The following STAT4 variants were observed in gnomAD, a reference collection of about 807,000 sequenced individuals.
The protein encoded by STAT4 is signal transducer and activator of transcription 4.
In STAT4, 42 loss-of-function variants were observed where a neutral mutation model predicts 110.5. That is an observed-to-expected ratio of 0.38 (90% confidence interval 0.30 to 0.49). The LOEUF (loss-of-function observed/expected upper bound fraction) is 0.49, where lower values mean the gene tolerates loss of function less well. Ranked by LOEUF, STAT4 falls within the 20% of genes least tolerant of loss-of-function variation. The probability of loss-of-function intolerance (pLI) is 0.95; values close to 1 mark genes in which losing one functional copy is unlikely to be tolerated. For synonymous variants in STAT4, 284 were observed against 302.2 expected, an observed-to-expected ratio of 0.94 and a Z score of 0.63; for missense variants, 632 against 887.9, an observed-to-expected ratio of 0.71 and a Z score of 3.66.
intron 5 of STAT4, among the ~76,000 whole-genome samples, chr2:191,071,976 CCT>C (rs1379868466): frequency 6.6e-6 from 1 of 152,134 alleles, no homozygotes; most frequent in Admixed American, 6.5e-5. Context: ...AGATGTCGGG[CCT>C]CTCTCCCCAC....
intron 1 of STAT4, 137 bp from the exon 2 acceptor site, chr2:191,148,341 T>C (rs1253721860): frequency 8.8e-7 from 1 of 1,136,028 alleles, no homozygotes. Context: ...TCACTAAGGT[T>C]TTTTTTCATA....
chr2:191,029,719 C>G lies in STAT4; in HGVS notation c.*121G>C, dbSNP rs951391999. On this transcript the variant is annotated 3_prime_UTR_variant, in exon 24 of 24. Coordinates refer to ENST00000392320, the MANE Select transcript of STAT4 (RefSeq NM_003151.4). This position sits in a 1 kb window ranked among gnomAD's most constrained non-coding sequence, Gnocchi z 4.5. The stretch of plus-strand genomic sequence containing the variant: ...GGAGTGTGAAGAGAGCTTCAGATGT[C>G]AAACATTTCCTAGAACCTGGTATTT... 78 of 937,254 alleles carry G rather than the reference C, an allele frequency of 8.3e-5. 1 individual carries two copies. The highest frequency in any genetic ancestry group is 1.2e-4 in the Non-Finnish European group (70 of 601,320). 58.1% of individuals were successfully genotyped at this position (937,254 alleles called of 1,614,324 possible). A position where few individuals can be genotyped will look rare whatever the true frequency, so the allele number is the denominator to read the frequency against.
At chr2:191,118,066 C>G (rs1423086988) in intron 3 of STAT4, among the ~76,000 whole-genome samples, 1 of 151,768 alleles carries the variant, frequency 6.6e-6, no homozygotes, top group Non-Finnish European at 1.5e-5. Context: ...AAGATTAAAA[C>G]ACTTTATACC....
rs1699424991 is a variant in STAT4, at chr2:191,144,941, C to T, written c.273+1672G>A. 6.6e-6 allele frequency among the ~76,000 whole-genome samples: 1 copy of T among 152,064 alleles called. No individual in the cohort carries two copies. Among genetic ancestry groups the T allele is most frequent in the South Asian group, 2.1e-4 (1 of 4,810 alleles). On this transcript the variant is annotated intron_variant, in intron 3 of 23. Coordinates refer to ENST00000392320, the MANE Select transcript of STAT4 (RefSeq NM_003151.4). This position sits in a 1 kb window ranked among gnomAD's most constrained non-coding sequence, Gnocchi z 4.7. Reference sequence around the variant, plus strand: ...CACATTTGAGAGTCAGATTTTTAACCCAGACCTTCTTGGTTCCAAAGACCA... The same window carrying T: ...CACATTTGAGAGTCAGATTTTTAACTCAGACCTTCTTGGTTCCAAAGACCA...
intron 3 of STAT4, among the ~76,000 whole-genome samples, chr2:191,109,772 C>T (rs1259823109): frequency 6.6e-6 from 1 of 152,040 alleles, no homozygotes; most frequent in Non-Finnish European, 1.5e-5. Context: ...AAAATGAATC[C>T]CACTGTTGGT....
At position 191,059,567 on chromosome 2, in the gene STAT4, C is replaced by A. The variant is rs1348826117; in HGVS notation, c.1035-798G>T. On this transcript the variant is annotated intron_variant, in intron 10 of 23. Coordinates refer to ENST00000392320, the MANE Select transcript of STAT4 (RefSeq NM_003151.4). The surrounding 1 kb of genome is among the most constrained non-coding windows in gnomAD (Gnocchi z 4.7). ...GCTCCTCATATTTATGCAGTACACC[C>A]TTAGGTACTAGAGAACTGATGTAGC... Among the ~76,000 whole-genome samples, 1 of 152,300 alleles carries A rather than the reference C, an allele frequency of 6.6e-6. No homozygotes were observed. Among genetic ancestry groups the A allele is most frequent in the East Asian group, 1.9e-4 (1 of 5,178 alleles).
chr2:191,125,686 G>A (rs1295416584), intron 3 of STAT4, among the ~76,000 whole-genome samples: 1 of 151,860 alleles, frequency 6.6e-6, no homozygotes, highest in African/African-American at 2.4e-5. Context: ...GTCTCACTAT[G>A]TTGCCCAGTC....
chr2:191,136,983 G>C (rs1050402848), intron 3 of STAT4, among the ~76,000 whole-genome samples: 5 of 151,910 alleles, frequency 3.3e-5, no homozygotes, highest in Admixed American at 1.3e-4. Flanking sequence ...TAAAATACTT[G>C]GGAATAAATT....
At position 191,034,614 on chromosome 2, in the gene STAT4, G is replaced by T. The variant is rs997523285; in HGVS notation, c.1571-17C>A. 6.2e-7 allele frequency: 1 copy of T among 1,606,114 alleles called. No individual in the cohort carries two copies. Among genetic ancestry groups the T allele is most frequent in the South Asian group, 1.1e-5 (1 of 90,840 alleles). ...TAGATTGGACTGAAATGAAAGAAAA[G>T]AATGAAATTTTTCACTGGACAATGA... On this transcript the variant is annotated splice_polypyrimidine_tract_variant and intron_variant, in intron 17 of 23. Transcript: ENST00000392320.
rs766023003 is a variant in STAT4, at chr2:191,033,629, A to G, written c.1716-3T>C. The G allele has an allele frequency of 1.9e-6, 3 of 1,610,760 alleles. No homozygotes were observed. The highest frequency in any genetic ancestry group is 2.5e-6 in the Non-Finnish European group (3 of 1,179,078). ...TGCTAACAAAGCCCATGACATACCTAAAAATAGAACATGCATTATTTCATC... is the reference window on the plus strand; with the variant it reads ...TGCTAACAAAGCCCATGACATACCTGAAAATAGAACATGCATTATTTCATC... On this transcript the variant is annotated splice_region_variant and splice_polypyrimidine_tract_variant and intron_variant, in intron 19 of 23. Coordinates refer to ENST00000392320, the MANE Select transcript of STAT4 (RefSeq NM_003151.4). This position sits in a 1 kb window ranked among gnomAD's most constrained non-coding sequence, Gnocchi z 6.9.
At chr2:191,136,558 C>T (rs1163805730) in intron 3 of STAT4, among the ~76,000 whole-genome samples, 1 of 152,182 alleles carries the variant, frequency 6.6e-6, no homozygotes, top group African/African-American at 2.4e-5. Context: ...TCGAGACCAG[C>T]CTGGTCAACA....
intron 3 of STAT4, among the ~76,000 whole-genome samples, chr2:191,111,494 T>A (rs1253139526): frequency 1.3e-5 from 2 of 152,188 alleles, no homozygotes; most frequent in African/African-American, 4.8e-5. Context: ...AATGAACACT[T>A]GATTCATGCA....
rs551852373 is a variant in STAT4, at chr2:191,046,179, G to A, written c.1252-5031C>T. On this transcript the variant is annotated intron_variant, in intron 14 of 23. Transcript: ENST00000392320. The surrounding 1 kb of genome is among the most constrained non-coding windows in gnomAD (Gnocchi z 4.6). The stretch of plus-strand genomic sequence containing the variant: ...AGAACATTTGAGAGGCCTCAGGCAA[G>A]TGCACAGATAGAGACCCAATACTGT... Among the ~76,000 whole-genome samples, 30 of 152,340 alleles carry A rather than the reference G, an allele frequency of 2.0e-4. No individual in the cohort carries two copies. Among genetic ancestry groups the A allele is most frequent in the Non-Finnish European group, 4.3e-4 (29 of 68,032 alleles).
rs1696352336 is a variant in STAT4, at chr2:191,046,342, T to G, written c.1252-5194A>C. 1.3e-5 allele frequency among the ~76,000 whole-genome samples: 2 copies of G among 152,240 alleles called. No individual in the cohort carries two copies. The highest frequency in any genetic ancestry group is 1.3e-4 in the Admixed American group (2 of 15,286). Reference sequence around the variant, plus strand: ...GAAGTCTTACTGGAACATGGTGGCATGGGTAAAGATAGCACAGCCATCTTG... The same window carrying G: ...GAAGTCTTACTGGAACATGGTGGCAGGGGTAAAGATAGCACAGCCATCTTG... On this transcript the variant is annotated intron_variant, in intron 14 of 23. Coordinates refer to ENST00000392320, the MANE Select transcript of STAT4 (RefSeq NM_003151.4). The surrounding 1 kb of genome is among the most constrained non-coding windows in gnomAD (Gnocchi z 4.6).
intron 3 of STAT4, among the ~76,000 whole-genome samples, chr2:191,098,405 C>T (rs758337041): frequency 2.6e-5 from 4 of 152,172 alleles, no homozygotes; most frequent in Non-Finnish European, 4.4e-5. Context: ...AAATGTGGCA[C>T]ATATATACCA....
At chr2:191,111,924 C>T (rs1020928411) in intron 3 of STAT4, among the ~76,000 whole-genome samples, 2 of 151,934 alleles carry the variant, frequency 1.3e-5, no homozygotes, top group Non-Finnish European at 2.9e-5. Context: ...GAAAATGCAC[C>T]CTAATCTATG....
At chr2:191,093,914 A>G (rs1301381406) in intron 3 of STAT4, among the ~76,000 whole-genome samples, 4 of 152,206 alleles carry the variant, frequency 2.6e-5, no homozygotes, top group African/African-American at 9.7e-5. Flanking sequence ...GTTGCTGAAA[A>G]CCATGGCATG....
chr2:191,151,512 G>T, upstream of STAT4: 1 of 985,538 alleles, frequency 1.0e-6, no homozygotes, highest in Non-Finnish European at 1.2e-6. This position sits in a 1 kb window ranked among gnomAD's most constrained non-coding sequence, Gnocchi z 4.7. Context: ...TGACCCAGAG[G>T]GTTGGGCCAA....
intron 3 of STAT4, among the ~76,000 whole-genome samples, chr2:191,092,902 C>T (rs895356364): frequency 1.4e-4 from 21 of 152,236 alleles, no homozygotes; most frequent in African/African-American, 3.9e-4. Flanking sequence ...ATATCCCACA[C>T]GTGGCTCGGT....
Sources: allele counts gnomAD v4.1 joint callset (sites outside exome capture counted in the v4.1 genomes callset), GRCh38; gene constraint gnomAD v4.1.1; non-coding constraint Gnocchi (gnomAD v3.1); transcripts MANE v1.5; gene names NCBI Gene and HGNC (gene_info 2026-07-23, HGNC 2026-07-21).